The following NRXN1 variants were observed in gnomAD, a reference collection of about 807,000 sequenced individuals.
NRXN1 encodes neurexin 1.
In NRXN1, 39 loss-of-function variants were observed where a neutral mutation model predicts 150.9. The observed-to-expected ratio is 0.26, with a 90% CI of 0.20 to 0.34. The LOEUF is 0.34. Among genes scored for constraint, NRXN1 ranks in the 10% least tolerant of loss-of-function variants. NRXN1 has a pLI of 1.00. For missense variants in NRXN1, 1,815 were observed against 1,949.9 expected, an observed-to-expected ratio of 0.93 and a Z score of 1.30; for synonymous variants, 924 against 757.0, an observed-to-expected ratio of 1.22 and a Z score of -3.62.
At chr2:50,539,000 G>C (rs10490225) in intron 9 of NRXN1, among the ~76,000 whole-genome samples, 43,185 of 151,868 alleles carry the variant, frequency 0.28, 6,553 homozygotes, top group East Asian at 0.51. Context: ...CCCTGGGTTA[G>C]TGCTTGTTTT....
At chr2:50,806,298 A>C (rs1195047847) in intron 5 of NRXN1, among the ~76,000 whole-genome samples, 1 of 152,166 alleles carries the variant, frequency 6.6e-6, no homozygotes, top group Non-Finnish European at 1.5e-5. Context: ...ATGTTTTGTA[A>C]CTAATGATGG....
At chr2:50,341,344 T>G (rs1373395377) in intron 17 of NRXN1, among the ~76,000 whole-genome samples, 4 of 152,062 alleles carry the variant, frequency 2.6e-5, no homozygotes, top group Non-Finnish European at 5.9e-5. Flanking sequence ...TCTTCTGATT[T>G]TAAGGTCTAG....
chr2:51,028,181 C>A lies in NRXN1; in HGVS notation c.93G>T (p.Leu31=), dbSNP rs201539806. 2.8e-5 allele frequency: 43 copies of A among 1,510,414 alleles called. No individual in the cohort carries two copies. The highest frequency in any genetic ancestry group is 3.6e-5 in the Non-Finnish European group (41 of 1,133,638). 93.6% of individuals were successfully genotyped at this position (1,510,414 alleles called of 1,614,324 possible). ...LGCWAELGSG[L]EFPGAEGQWT... is the part of the protein sequence containing the mutation. ...ATTGGCCCTCGGCGCCCGGAAACTCCAGCCCGCTGCCCAGCTCCGCCCAGC... is the reference window on the plus strand; with the variant it reads ...ATTGGCCCTCGGCGCCCGGAAACTCAAGCCCGCTGCCCAGCTCCGCCCAGC... Residue 31 remains leucine (L), a synonymous_variant, in exon 2 of 23, where the codon CTG becomes CTT. Coordinates refer to ENST00000401669, the MANE Select transcript of NRXN1 (RefSeq NM_001330078.2).
chr2:50,781,169 C>A (rs1416046834), intron 5 of NRXN1, among the ~76,000 whole-genome samples: 2 of 152,108 alleles, frequency 1.3e-5, no homozygotes, highest in African/African-American at 4.8e-5. Context: ...TTGGTAACTG[C>A]ACTTACACTG....
chr2:50,295,953 T>A (rs952139136), intron 17 of NRXN1, among the ~76,000 whole-genome samples: 4 of 152,200 alleles, frequency 2.6e-5, no homozygotes, highest in African/African-American at 9.6e-5. Flanking sequence ...TAAAGTTTTT[T>A]GAATAGAGCA....
At chr2:50,259,395 G>A (rs972736348) in intron 17 of NRXN1, among the ~76,000 whole-genome samples, 2 of 151,790 alleles carry the variant, frequency 1.3e-5, no homozygotes, top group African/African-American at 2.4e-5. Flanking sequence ...GAAACATGAT[G>A]CTTAAGTAAT....
In NRXN1 at chr2:50,472,422, T is replaced by G. The variant is rs750033377; in HGVS notation, c.3120A>C (p.Pro1040=). 6.2e-7 allele frequency: 1 copy of G among 1,612,286 alleles called. No homozygotes were observed. The highest frequency in any genetic ancestry group is 8.5e-7 in the Non-Finnish European group (1 of 1,178,854). Residue 1040 remains proline (P), a synonymous_variant, in exon 16 of 23, where the codon CCA becomes CCC. Transcript: ENST00000401669. ...AGCCTTCTTTGGCATGTACAAGTTT[T>G]GGTAAGGATTTGTATGTTTCTTTAG... The part of the protein sequence containing the change: ...GVAKETYKSL[P]KLVHAKEGFQ...
At chr2:49,947,376 T>C (rs1048193170) in intron 21 of NRXN1, among the ~76,000 whole-genome samples, 7 of 152,022 alleles carry the variant, frequency 4.6e-5, no homozygotes, top group Non-Finnish European at 1.0e-4. Context: ...GAGGCACGTT[T>C]GGTAATATGT....
chr2:50,666,875 GA>G (rs769434266), intron 5 of NRXN1, among the ~76,000 whole-genome samples: 47,383 of 115,146 alleles, frequency 0.41, 8,014 homozygotes, highest in East Asian at 0.48. Flanking sequence ...TGATGATGAT[GA>G]TGATGTGTGT....
chr2:50,503,409 A>G (rs2092055462), intron 13 of NRXN1, among the ~76,000 whole-genome samples: 1 of 152,118 alleles, frequency 6.6e-6, no homozygotes, highest in African/African-American at 2.4e-5. Flanking sequence ...CAAGTTAATG[A>G]AACTCACACT....
Position 50,347,509 on chromosome 2 carries a change from C to G in NRXN1, c.3365-110539G>C. ...GGCGCCCCTTCCCTCCATTCAGCCC[C>G]GGCCGGCTCGCCCGCTAGCGCCAGC... On this transcript the variant is annotated intron_variant, in intron 17 of 22. Transcript: ENST00000401669. This position sits in a 1 kb window ranked among gnomAD's most constrained non-coding sequence, Gnocchi z 4.9. 9.5e-7 allele frequency: 1 copy of G among 1,049,832 alleles called. No individual in the cohort carries two copies. Among genetic ancestry groups the G allele is most frequent in the Non-Finnish European group, 1.2e-6 (1 of 868,170 alleles). The allele number at this position is 1,049,832 out of a possible 1,614,324, so 65.0% of individuals were successfully genotyped here. A position where few individuals can be genotyped will look rare whatever the true frequency, so the allele number is the denominator to read the frequency against.
At chr2:50,108,385 C>G (rs1273755865) in intron 18 of NRXN1, among the ~76,000 whole-genome samples, 1 of 151,960 alleles carries the variant, frequency 6.6e-6, no homozygotes, top group Non-Finnish European at 1.5e-5. Flanking sequence ...CTTTACAACT[C>G]TGAGGTAACC....
At chr2:50,215,684 T>A (rs754529321) in intron 18 of NRXN1, among the ~76,000 whole-genome samples, 5 of 152,024 alleles carry the variant, frequency 3.3e-5, no homozygotes, top group African/African-American at 4.8e-5. Flanking sequence ...TGCTATTAAC[T>A]TTAAAACAAT....
At chr2:50,379,667 C>T (rs1394317510) in intron 17 of NRXN1, among the ~76,000 whole-genome samples, 5 of 151,928 alleles carry the variant, frequency 3.3e-5, no homozygotes, top group African/African-American at 9.7e-5. Context: ...TAAGGCAATA[C>T]GTACCAAAGC....
chr2:50,683,646 A>AAAAAAATATAT, intron 5 of NRXN1, among the ~76,000 whole-genome samples: 1 of 14,910 alleles, frequency 6.7e-5, no homozygotes, highest in African/African-American at 3.6e-4. Flanking sequence ...AAAAAAAAAA[A>AAAAAAATATAT]ATATATATAT....
chr2:50,451,784 TAC>T (rs2086990603), intron 17 of NRXN1, among the ~76,000 whole-genome samples: 1 of 152,180 alleles, frequency 6.6e-6, no homozygotes, highest in African/African-American at 2.4e-5. Context: ...ACATCTTAAG[TAC>T]AGTTTTTGTA....
intron 21 of NRXN1, among the ~76,000 whole-genome samples, chr2:49,996,932 C>T (rs1467468884): frequency 1.3e-5 from 2 of 152,168 alleles, no homozygotes; most frequent in Non-Finnish European, 1.5e-5. Context: ...TATCCATTCT[C>T]TCTTGGTGTA....
At chr2:50,975,383 A>G (rs1695657356) in intron 2 of NRXN1, among the ~76,000 whole-genome samples, 1 of 152,108 alleles carries the variant, frequency 6.6e-6, no homozygotes, top group Non-Finnish European at 1.5e-5. Context: ...AGTGACTTAA[A>G]TGGAATCATT....
intron 17 of NRXN1, among the ~76,000 whole-genome samples, chr2:50,359,705 C>A (rs1317696277): frequency 6.6e-6 from 1 of 152,094 alleles, no homozygotes; most frequent in Non-Finnish European, 1.5e-5. Context: ...TCCAGGAGAA[C>A]TTGCCCAACC....
Sources: gnomAD v4.1 joint callset for allele counts (sites outside exome capture counted in the v4.1 genomes callset) on GRCh38, gnomAD v4.1.1 for gene constraint, Gnocchi (gnomAD v3.1) non-coding constraint, MANE v1.5 for transcripts, NCBI Gene and HGNC (gene_info 2026-07-23, HGNC 2026-07-21) for gene names.